The following CCDC33 variants were observed in gnomAD, a reference collection of about 807,000 sequenced individuals.
The protein encoded by CCDC33 is coiled-coil domain containing 33.
In CCDC33, 94 loss-of-function variants were observed where a neutral mutation model predicts 91.9. That is an observed-to-expected ratio of 1.02 (90% CI 0.87 to 1.21). The LOEUF (loss-of-function observed/expected upper bound fraction) is 1.21, where lower values mean the gene tolerates loss of function less well. Among genes scored for constraint, CCDC33 ranks in the 50% most tolerant of loss-of-function variants. The pLI is 0.00. For synonymous variants in CCDC33, 396 were observed against 374.5 expected (o/e 1.06, Z -0.66); for missense variants, 940 against 935.5 (o/e 1.00, Z -0.06).
chr15:74,235,032 C>G (rs930769580), upstream of CCDC33, among the ~76,000 whole-genome samples: 1 of 152,174 alleles, frequency 6.6e-6, no homozygotes, highest in Non-Finnish European at 1.5e-5. Flanking sequence ...TCTAGAGAGA[C>G]TGGGGGAGCA....
intron 2 of CCDC33, among the ~76,000 whole-genome samples, chr15:74,211,839 G>GTC (rs1203642075): frequency 6.6e-6 from 1 of 151,682 alleles, no homozygotes; most frequent in Non-Finnish European, 1.5e-5. Flanking sequence ...CTTTCCTTCT[G>GTC]TCTCTCTCTA....
At chr15:74,219,656 G>A (rs62003662) in intron 2 of CCDC33, among the ~76,000 whole-genome samples, 30 of 152,232 alleles carry the variant, frequency 2.0e-4, no homozygotes, top group Non-Finnish European at 2.8e-4. Context: ...GACTAGGAAC[G>A]GCTTCTTGGA....
intron 11 of CCDC33, among the ~76,000 whole-genome samples, chr15:74,326,713 T>G (rs896010515): frequency 6.6e-6 from 1 of 152,182 alleles, no homozygotes; most frequent in East Asian, 1.9e-4. Context: ...GAGTCAGTCC[T>G]TCTAGAGGAG....
chr15:74,233,014 C>A (rs1483390033), upstream of CCDC33, among the ~76,000 whole-genome samples: 1 of 152,214 alleles, frequency 6.6e-6, no homozygotes, highest in Non-Finnish European at 1.5e-5. Flanking sequence ...CGCCCATGGC[C>A]GCACCTTTCT....
intron 1 of CCDC33, chr15:74,217,630 T>A: frequency 8.5e-7 from 1 of 1,170,650 alleles, no homozygotes; most frequent in Non-Finnish European, 1.1e-6. Flanking sequence ...CTGGAACTCC[T>A]GCCTGAGTCC....
At chr15:74,292,777 C>A (rs2059608682) in intron 10 of CCDC33, among the ~76,000 whole-genome samples, 1 of 152,010 alleles carries the variant, frequency 6.6e-6, no homozygotes, top group African/African-American at 2.4e-5. Context: ...TTGAGTCTGG[C>A]AGGCACTACA....
At chr15:74,221,166 T>C in intron 2 of CCDC33, 1 of 965,786 alleles carries the variant, frequency 1.0e-6, no homozygotes. Context: ...ATTCAGAACT[T>C]GGTTGTAGGC....
rs1567040386 is a variant in CCDC33 at position 74,330,202 on chromosome 15, A to G, written c.1304A>G (p.Tyr435Cys). ...EMSHDTEMNN[Y>C]RRAMQKMAED... ...TGGGATCCACAGGAGATGAACAACT[A>G]CCGGCGGGCCATGCAGAAGATGGCA... Residue 435 changes from tyrosine to cysteine, a missense_variant, in exon 12 of 19, where the codon TAC becomes TGC. Coordinates refer to ENST00000398814, the MANE Select transcript of CCDC33 (RefSeq NM_025055.5). The G allele has an allele frequency of 6.2e-7, 1 of 1,607,150 alleles. No individual in the cohort carries two copies. The highest frequency in any genetic ancestry group is 8.5e-7 in the Non-Finnish European group (1 of 1,175,882).
At chr15:74,273,871 C>G (rs927144559) in intron 7 of CCDC33, among the ~76,000 whole-genome samples, 3 of 132,760 alleles carry the variant, frequency 2.3e-5, no homozygotes, top group Non-Finnish European at 3.1e-5. Context: ...GCTCTTGTTG[C>G]CCAGGCTGGA....
At chr15:74,265,596 G>T (rs1455240956) in intron 3 of CCDC33, among the ~76,000 whole-genome samples, 1 of 152,206 alleles carries the variant, frequency 6.6e-6, no homozygotes, top group East Asian at 1.9e-4. Context: ...TACCCGGGGG[G>T]TTGTGGTGAG....
rs2076358550 is a variant in CCDC33, at chr15:74,272,903, C to G, written c.759+12C>G. 19 of 1,614,022 alleles carry G rather than the reference C, an allele frequency of 1.2e-5. No homozygotes were observed. The highest frequency in any genetic ancestry group is 1.6e-5 in the Non-Finnish European group (19 of 1,179,916). ...ACGGATGCCCTCAGGTATGTCTCCT[C>G]CCCAGTGGTTCCAGCTTCCTGTAAC... On this transcript the variant is annotated intron_variant, in intron 7 of 18. Transcript: ENST00000398814.
At chr15:74,257,738 A>AG (rs1288095493) in intron 2 of CCDC33, among the ~76,000 whole-genome samples, 2 of 152,208 alleles carry the variant, frequency 1.3e-5, no homozygotes, top group East Asian at 3.8e-4. Flanking sequence ...TGCCTTCTCC[A>AG]GGTTTAGGGT....
rs532964762 is a variant in CCDC33 at position 74,223,967 on chromosome 15, C to A, written c.675+5106C>A. ...GCTCCCCCTTCTCCTCCTTTGACAA[C>A]TGCCTCCAGCTTAAACACACTCTGC... is the stretch of plus-strand genomic sequence containing the variant. On this transcript the variant is annotated intron_variant, in intron 2 of 2. Transcript: ENST00000635913. Among the ~76,000 whole-genome samples, 11 of 152,290 alleles carry A rather than the reference C, an allele frequency of 7.2e-5. No homozygotes were observed. The East Asian group carries it at 2.1e-3, about 29-fold the overall frequency.
chr15:74,223,060 C>T (rs143134858), intron 2 of CCDC33, among the ~76,000 whole-genome samples: 237 of 152,138 alleles, frequency 1.6e-3, no homozygotes, highest in African/African-American at 5.5e-3. Flanking sequence ...TCTTTACTGC[C>T]CGTTTAATCT....
intron 11 of CCDC33, chr15:74,300,993 AT>A: frequency 6.6e-6 from 1 of 152,336 alleles, no homozygotes; most frequent in Non-Finnish European, 1.5e-5. Flanking sequence ...TCCCATGGGT[AT>A]GGTCTTGGGT....
chr15:74,206,977 G>T (rs1160608692), intron 1 of CCDC33, among the ~76,000 whole-genome samples: 1 of 152,354 alleles, frequency 6.6e-6, no homozygotes, highest in South Asian at 2.1e-4. Context: ...GTCCTAAAAA[G>T]CTTCTGGACT....
chr15:74,237,488 C>G (rs753900116), intron 1 of CCDC33, among the ~76,000 whole-genome samples: 1 of 152,216 alleles, frequency 6.6e-6, no homozygotes, highest in African/African-American at 2.4e-5. Context: ...GGGGGATACC[C>G]TCTTTGTAGT....
At chr15:74,211,030 C>T (rs1675346532) in intron 2 of CCDC33, among the ~76,000 whole-genome samples, 1 of 152,098 alleles carries the variant, frequency 6.6e-6, no homozygotes, top group Non-Finnish European at 1.5e-5. Flanking sequence ...TCCTGCTGTA[C>T]CCCAGACTCC....
At chr15:74,298,539 G>C (rs1343489801) in intron 11 of CCDC33, among the ~76,000 whole-genome samples, 3 of 151,898 alleles carry the variant, frequency 2.0e-5, no homozygotes. Flanking sequence ...TTGGTTTTTT[G>C]TTTGTTTGTT....
Sources: gnomAD v4.1 joint callset for allele counts (sites outside exome capture counted in the v4.1 genomes callset) on GRCh38, gnomAD v4.1.1 for gene constraint, MANE v1.5 for transcripts, NCBI Gene and HGNC (gene_info 2026-07-23, HGNC 2026-07-21) for gene names.